The following NTF3 variants were observed in gnomAD, a reference collection of about 807,000 sequenced individuals.
The protein encoded by NTF3 is neurotrophin-3.
In NTF3, 8 loss-of-function variants were observed where a neutral mutation model predicts 26.3. The observed-to-expected ratio is 0.30, with a 90% CI of 0.18 to 0.55. The LOEUF is 0.55. Among genes scored for constraint, NTF3 ranks in the 20% least tolerant of loss-of-function variants. The pLI, the probability that NTF3 is intolerant of heterozygous loss-of-function variation, is 0.93. For missense variants in NTF3, 276 were observed against 352.9 expected (o/e 0.78, Z 1.75); for synonymous variants, 154 against 145.5 (o/e 1.06, Z -0.42).
chr12:5,474,923 C>A (rs1429702916), intron 1 of NTF3, among the ~76,000 whole-genome samples: 1 of 152,104 alleles, frequency 6.6e-6, no homozygotes, highest in African/African-American at 2.4e-5. Flanking sequence ...GAGAGAAAAT[C>A]CGAGAGGCTG....
chr12:5,444,917 C>T (rs1321467063), intron 1 of NTF3, among the ~76,000 whole-genome samples: 2 of 152,086 alleles, frequency 1.3e-5, no homozygotes, highest in African/African-American at 4.8e-5. Context: ...GCTCCAGGGG[C>T]GATTATCTCA....
intron 1 of NTF3, among the ~76,000 whole-genome samples, chr12:5,474,767 T>C (rs1032891607): frequency 3.3e-5 from 5 of 152,036 alleles, no homozygotes; most frequent in Non-Finnish European, 7.4e-5. Context: ...AGAGGTAGCA[T>C]GGACTGTAGA....
intron 1 of NTF3, among the ~76,000 whole-genome samples, chr12:5,459,637 G>A (rs1054101889): frequency 2.6e-5 from 4 of 152,232 alleles, no homozygotes; most frequent in African/African-American, 9.6e-5. Flanking sequence ...CAATACGAGA[G>A]AGAAAAGGCC....
chr12:5,433,760 C>T lies in NTF3; in HGVS notation c.18+1418C>T, dbSNP rs1940131418. Among the ~76,000 whole-genome samples the T allele has an allele frequency of 6.6e-6, 1 of 151,980 alleles. No homozygotes were observed. The highest frequency in any genetic ancestry group is 1.5e-5 in the Non-Finnish European group (1 of 67,996). On this transcript the variant is annotated intron_variant, in intron 1 of 1. Transcript: ENST00000423158. The surrounding 1 kb of genome is among the most constrained non-coding windows in gnomAD (Gnocchi z 4.6). ...AGGTTCTGAGTCCGAATGGAGGTTG[C>T]TCCCGGGAGCGCCGGGCTCAGAGCT...
chr12:5,444,242 G>C (rs983658019), intron 1 of NTF3, among the ~76,000 whole-genome samples: 6 of 152,228 alleles, frequency 3.9e-5, no homozygotes, highest in Admixed American at 3.3e-4. Context: ...TTGAGGAATA[G>C]GAGAAATGTT....
intron 1 of NTF3, among the ~76,000 whole-genome samples, chr12:5,483,671 G>T (rs1272941882): frequency 6.6e-6 from 1 of 152,170 alleles, no homozygotes; most frequent in African/African-American, 2.4e-5. Context: ...TGGGATTGCT[G>T]GGTTGAGTGG....
At chr12:5,437,939 TG>T (rs1373273713) in intron 1 of NTF3, among the ~76,000 whole-genome samples, 3 of 152,078 alleles carry the variant, frequency 2.0e-5, no homozygotes, top group African/African-American at 7.2e-5. Context: ...ATGGGGCATT[TG>T]TAGAGCTTAT....
At chr12:5,487,871 C>T (rs1940886413) in intron 1 of NTF3, among the ~76,000 whole-genome samples, 1 of 152,218 alleles carries the variant, frequency 6.6e-6, no homozygotes, top group Admixed American at 6.5e-5. Flanking sequence ...TGTTTCTCCT[C>T]TAGCTCACTG....
intron 1 of NTF3, among the ~76,000 whole-genome samples, chr12:5,445,077 A>T (rs982242587): frequency 6.6e-6 from 1 of 152,234 alleles, no homozygotes; most frequent in African/African-American, 2.4e-5. Context: ...GATTTCATTC[A>T]GGATCAAAAA....
At chr12:5,485,342 G>C (rs942622275) in intron 1 of NTF3, among the ~76,000 whole-genome samples, 2 of 152,210 alleles carry the variant, frequency 1.3e-5, no homozygotes, top group Admixed American at 6.5e-5. Context: ...TTAGACTTTG[G>C]AGTGAAATTG....
intron 1 of NTF3, among the ~76,000 whole-genome samples, chr12:5,480,073 C>G (rs891140919): frequency 6.6e-6 from 1 of 152,222 alleles, no homozygotes; most frequent in Non-Finnish European, 1.5e-5. Flanking sequence ...TCATCTTCAG[C>G]TCTTCCAGTG....
intron 1 of NTF3, among the ~76,000 whole-genome samples, chr12:5,458,261 T>C (rs1349993378): frequency 1.3e-5 from 2 of 152,212 alleles, no homozygotes; most frequent in African/African-American, 4.8e-5. Context: ...CTTTCTTGCC[T>C]GACTGTTAGT....
chr12:5,478,096 A>G (rs1474025161), intron 1 of NTF3, among the ~76,000 whole-genome samples: 5 of 152,238 alleles, frequency 3.3e-5, no homozygotes, highest in Non-Finnish European at 7.3e-5. Context: ...TGGATATCAA[A>G]TGTGCTTTTA....
chr12:5,482,638 A>C (rs1343674898), intron 1 of NTF3, among the ~76,000 whole-genome samples: 5 of 152,102 alleles, frequency 3.3e-5, no homozygotes, highest in Non-Finnish European at 5.9e-5. Flanking sequence ...GCCACTGCCC[A>C]GTGTCTTGGG....
At chr12:5,461,849 T>A (rs2121192082) in intron 1 of NTF3, among the ~76,000 whole-genome samples, 1 of 152,316 alleles carries the variant, frequency 6.6e-6, no homozygotes, top group East Asian at 1.9e-4. Context: ...ACCATGCTGA[T>A]CCACGACTCT....
chr12:5,472,687 CTCTCT>C (rs1758275168), intron 1 of NTF3, among the ~76,000 whole-genome samples: 1 of 152,152 alleles, frequency 6.6e-6, no homozygotes, highest in Admixed American at 6.5e-5. Flanking sequence ...CACTGCTGGT[CTCTCT>C]TCTCATTTGC....
chr12:5,457,596 C>T (rs1940467898), intron 1 of NTF3, among the ~76,000 whole-genome samples: 1 of 152,132 alleles, frequency 6.6e-6, no homozygotes, highest in South Asian at 2.1e-4. Context: ...TCTAAGTGTC[C>T]CAGGTCTCTT....
chr12:5,430,812 G>T (rs999468625), upstream of NTF3, among the ~76,000 whole-genome samples: 16 of 152,078 alleles, frequency 1.1e-4, 1 homozygote, highest in Middle Eastern at 0.01. Context: ...CTTCCCAGTC[G>T]CGCGTGAGTC....
chr12:5,456,937 A>C lies in NTF3; in HGVS notation c.18+24595A>C, dbSNP rs913689415. On this transcript the variant is annotated intron_variant, in intron 1 of 1. Coordinates refer to ENST00000423158, the MANE Select transcript of NTF3 (RefSeq NM_001102654.2). This position sits in a 1 kb window ranked among gnomAD's most constrained non-coding sequence, Gnocchi z 4.4. Reference sequence around the variant, plus strand: ...GTATGAGAGAGGTGCTGAGGGAGGCAGGGGGCCCGCAGAACGGCCTCCCAT... The same window carrying C: ...GTATGAGAGAGGTGCTGAGGGAGGCCGGGGGCCCGCAGAACGGCCTCCCAT... Among the ~76,000 whole-genome samples the C allele has an allele frequency of 4.1e-4, 62 of 152,236 alleles. No individual in the cohort carries two copies. Among genetic ancestry groups the C allele is most frequent in the Non-Finnish European group, 1.2e-4 (8 of 68,010 alleles).
Sources: gnomAD v4.1 joint callset for allele counts (sites outside exome capture counted in the v4.1 genomes callset) on GRCh38, gnomAD v4.1.1 for gene constraint, Gnocchi (gnomAD v3.1) non-coding constraint, MANE v1.5 for transcripts, NCBI Gene and HGNC (gene_info 2026-07-23, HGNC 2026-07-21) for gene names.